CRACDL: variants seen among roughly 807,000 people sequenced by gnomAD.
CRACDL encodes CRACD-like protein.
CRACDL carries 26 observed loss-of-function variants against 70.6 expected under a neutral mutation model. That is an observed-to-expected ratio of 0.37 (90% CI 0.27 to 0.51). The LOEUF (loss-of-function observed/expected upper bound fraction) is 0.51, where lower values mean the gene tolerates loss of function less well. Among genes scored for constraint, CRACDL ranks in the 20% least tolerant of loss-of-function variants. The probability of loss-of-function intolerance (pLI) is 0.94; values close to 1 mark genes in which losing one functional copy is unlikely to be tolerated. For missense variants in CRACDL, 1,283 were observed against 1,376.9 expected, an observed-to-expected ratio of 0.93 and a Z score of 1.08; for synonymous variants, 618 against 615.2, an observed-to-expected ratio of 1.00 and a Z score of -0.07.
At chr2:98,874,313 A>T (rs987107237) in intron 1 of CRACDL, among the ~76,000 whole-genome samples, 1 of 152,252 alleles carries the variant, frequency 6.6e-6, no homozygotes, top group Non-Finnish European at 1.5e-5. Context: ...CCTGATCAAA[A>T]TCGAAACAGG....
At position 98,889,299 on chromosome 2, in the gene CRACDL, GAA is replaced by G. The variant is rs1558624538; in HGVS notation, c.-10-42491_-10-42490del. Among the ~76,000 whole-genome samples, 121 of 48,850 alleles carry G rather than the reference GAA, an allele frequency of 2.5e-3. No individual in the cohort carries two copies. The African/African-American group carries it at 0.032, about 13-fold the overall frequency. 32.0% of individuals were successfully genotyped at this position (48,850 alleles called of 152,430 possible). A position where few individuals can be genotyped will look rare whatever the true frequency, so the allele number is the denominator to read the frequency against. On this transcript the variant is annotated intron_variant, in intron 1 of 9. Coordinates refer to ENST00000397899, the MANE Select transcript of CRACDL (RefSeq NM_207362.3). ...AGAAAAAGAGAGAGAAAGAAAGAAA[GAA>G]AGAAAGAAAGAAAGAAAGAAAGAAA...
intron 1 of CRACDL, among the ~76,000 whole-genome samples, chr2:98,895,229 T>A (rs185458109): frequency 1.3e-5 from 2 of 152,312 alleles, no homozygotes; most frequent in Admixed American, 1.3e-4. Flanking sequence ...GCTAGGTGCC[T>A]AGGATACAAC....
At chr2:98,868,943 A>G in intron 1 of CRACDL, 2 of 397,018 alleles carry the variant, frequency 5.0e-6, no homozygotes, top group South Asian at 4.2e-5. Context: ...ACATTCTAGA[A>G]CATAAGGTAA....
intron 6 of CRACDL, among the ~76,000 whole-genome samples, chr2:98,825,469 G>A (rs1705263316): frequency 1.3e-5 from 2 of 152,236 alleles, no homozygotes; most frequent in South Asian, 2.1e-4. Flanking sequence ...AAGGGAGGCT[G>A]TGTTTCCACC....
intron 2 of CRACDL, among the ~76,000 whole-genome samples, chr2:98,844,906 A>C (rs1706186771): frequency 6.6e-6 from 1 of 152,224 alleles, no homozygotes; most frequent in Non-Finnish European, 1.5e-5. Flanking sequence ...TCTCTGAATT[A>C]CCCAAATGAT....
At chr2:98,922,812 G>A (rs1243699131) in intron 1 of CRACDL, among the ~76,000 whole-genome samples, 1 of 152,234 alleles carries the variant, frequency 6.6e-6, no homozygotes, top group Non-Finnish European at 1.5e-5. Flanking sequence ...TCCCTGAGCA[G>A]ACAAAACAAC....
At chr2:98,852,603 TAAAG>T (rs1706526435) in intron 1 of CRACDL, among the ~76,000 whole-genome samples, 1 of 152,060 alleles carries the variant, frequency 6.6e-6, no homozygotes, top group African/African-American at 2.4e-5. Context: ...TATAAAAAGA[TAAAG>T]AATTTCAAAT....
intron 1 of CRACDL, among the ~76,000 whole-genome samples, chr2:98,875,466 G>A (rs1001028751): frequency 6.6e-6 from 1 of 152,212 alleles, no homozygotes; most frequent in Non-Finnish European, 1.5e-5. Flanking sequence ...TCTGTCAGTC[G>A]CTCTGTATGG....
At chr2:98,871,838 C>T (rs1707356455) in intron 1 of CRACDL, among the ~76,000 whole-genome samples, 1 of 152,094 alleles carries the variant, frequency 6.6e-6, no homozygotes, top group Non-Finnish European at 1.5e-5. Flanking sequence ...TGGGACAATA[C>T]CCACCATACA....
chr2:98,882,896 T>C (rs1035423796), intron 1 of CRACDL, among the ~76,000 whole-genome samples: 1 of 152,202 alleles, frequency 6.6e-6, no homozygotes, highest in African/African-American at 2.4e-5. Context: ...ATCTGTTTGT[T>C]GTGGATTCAC....
intron 7 of CRACDL, among the ~76,000 whole-genome samples, chr2:98,815,653 G>A (rs1704753592): frequency 6.6e-6 from 1 of 152,222 alleles, no homozygotes; most frequent in Admixed American, 6.5e-5. Flanking sequence ...CTGACCCATA[G>A]GAGCTGCTGT....
chr2:98,846,222 T>C (rs1188339940), intron 2 of CRACDL, among the ~76,000 whole-genome samples: 4 of 152,180 alleles, frequency 2.6e-5, no homozygotes, highest in Non-Finnish European at 5.9e-5. Context: ...GAAAGTCTTA[T>C]GAGATGGTGA....
intron 7 of CRACDL, among the ~76,000 whole-genome samples, chr2:98,799,840 T>C (rs921348276): frequency 2.6e-5 from 4 of 152,006 alleles, no homozygotes; most frequent in African/African-American, 9.7e-5. Context: ...CTGCACATCC[T>C]CTCTGGGGGA....
intron 1 of CRACDL, among the ~76,000 whole-genome samples, chr2:98,855,182 AG>A (rs1706648492): frequency 6.6e-6 from 1 of 151,972 alleles, no homozygotes; most frequent in Admixed American, 6.6e-5. Flanking sequence ...TGGGAGGCTG[AG>A]GCAAGAGAAT....
At chr2:98,846,844 A>T in intron 1 of CRACDL, 34 bp from the exon 2 acceptor site, 1 of 1,564,844 alleles carries the variant, frequency 6.4e-7, no homozygotes, top group Non-Finnish European at 8.8e-7. Context: ...TTAAAGAAAC[A>T]TGGTTAGCAG....
At chr2:98,844,277 T>C (rs913956731) in intron 2 of CRACDL, among the ~76,000 whole-genome samples, 5 of 152,278 alleles carry the variant, frequency 3.3e-5, no homozygotes, top group Admixed American at 6.5e-5. Flanking sequence ...TCTGGCTTTA[T>C]TGCACTGGCT....
intron 3 of CRACDL, among the ~76,000 whole-genome samples, chr2:98,834,153 A>G (rs1395612685): frequency 1.3e-5 from 2 of 152,186 alleles, no homozygotes; most frequent in African/African-American, 4.8e-5. Context: ...TGGACAGCCC[A>G]TGGCCCACAC....
intron 1 of CRACDL, among the ~76,000 whole-genome samples, chr2:98,887,252 C>G (rs1707824010): frequency 6.6e-6 from 1 of 152,124 alleles, no homozygotes. Flanking sequence ...GTTTGGGAAG[C>G]TGAGGCAGGA....
intron 5 of CRACDL, among the ~76,000 whole-genome samples, chr2:98,829,970 T>C (rs1028404956): frequency 1.3e-5 from 2 of 152,104 alleles, no homozygotes; most frequent in Non-Finnish European, 2.9e-5. Context: ...TTCTAAGAGG[T>C]GATAAGCCTG....
Sources: allele counts gnomAD v4.1 joint callset (sites outside exome capture counted in the v4.1 genomes callset), GRCh38; gene constraint gnomAD v4.1.1; transcripts MANE v1.5; gene names NCBI Gene and HGNC (gene_info 2026-07-23, HGNC 2026-07-21).